COQ10A: variants seen among roughly 807,000 people sequenced by gnomAD.
COQ10A encodes coenzyme Q-binding protein COQ10 homolog A, mitochondrial.
In COQ10A, 25 loss-of-function variants were observed where a neutral mutation model predicts 26.1. That is an observed-to-expected ratio of 0.96 (90% CI 0.70 to 1.34). The LOEUF (loss-of-function observed/expected upper bound fraction) is 1.34. COQ10A is among the 40% of genes most tolerant of loss of function. COQ10A has a pLI of 0.00. For missense variants in COQ10A, 312 were observed against 335.4 expected, an observed-to-expected ratio of 0.93 and a Z score of 0.54; for synonymous variants, 132 against 124.0, an observed-to-expected ratio of 1.06 and a Z score of -0.43.
At chr12:56,267,347 G>A (rs773534745) in intron 1 of COQ10A, 95 bp downstream of exon 1, 3 of 1,613,622 alleles carry the variant, frequency 1.9e-6, no homozygotes, top group African/African-American at 1.3e-5. Flanking sequence ...CAGGCGCGGC[G>A]GGGACTGGCA....
In COQ10A at chr12:56,267,645, A is replaced by G. The variant is rs376651964; in HGVS notation, c.135-149A>G. On this transcript the variant is annotated intron_variant, in intron 1 of 4. Transcript: ENST00000308197. ...CTTTTGCACTCGTGACTCCCTGGCCAGAGAGAGCCTAGCGGGCTGCAGCAG... is the reference window on the plus strand; with the variant it reads ...CTTTTGCACTCGTGACTCCCTGGCCGGAGAGAGCCTAGCGGGCTGCAGCAG... The G allele has an allele frequency of 3.1e-4, 393 of 1,256,356 alleles. No individual in the cohort carries two copies. In the African/African-American group the frequency reaches 4.8e-3, roughly 15 times the overall value. The allele number at this position is 1,256,356 out of a possible 1,614,324, so 77.8% of individuals were successfully genotyped here.
intron 2 of COQ10A, chr12:56,268,520 A>C (rs994233942): frequency 6.3e-6 from 1 of 158,558 alleles, no homozygotes; most frequent in Non-Finnish European, 1.4e-5. Flanking sequence ...TCTGGTGACC[A>C]TTTAAAAATA....
chr12:56,269,637 AATTT>A (rs951664971), intron 4 of COQ10A, 76 bp downstream of exon 4: 4 of 1,061,312 alleles, frequency 3.8e-6, no homozygotes, highest in African/African-American at 3.1e-5. Context: ...CAGGGTTATT[AATTT>A]ATTTGAGATG....
At chr12:56,270,099 G>GACTATGCAAGGA in intron 4 of COQ10A, 51 bp from the exon 5 acceptor site, 7 of 1,566,158 alleles carry the variant, frequency 4.5e-6, no homozygotes, top group Non-Finnish European at 6.1e-6. Context: ...TTTGGCCAGG[G>GACTATGCAAGGA]ACTATCCAAC....
At chr12:56,268,004 A>G in intron 2 of COQ10A, 64 bp downstream of exon 2, 2 of 1,588,030 alleles carry the variant, frequency 1.3e-6, no homozygotes, top group Non-Finnish European at 1.7e-6. Context: ...CTGTCCAGGC[A>G]AGAATGTCAG....
chr12:56,267,926 G>A lies in COQ10A; in HGVS notation c.267G>A (p.Glu89=). The A allele has an allele frequency of 1.2e-6, 2 of 1,614,148 alleles. No individual in the cohort carries two copies. Among genetic ancestry groups the A allele is most frequent in the Non-Finnish European group, 1.7e-6 (2 of 1,180,030 alleles). ...CCAACAAGCGAAAGGCTTACTCGGA[G>A]CGTAGAATCATGGGGTAAGCATTCT... is the stretch of plus-strand genomic sequence containing the variant. ...PFTNKRKAYS[E]RRIMGYSMQE... The change falls in exon 2 of 5, where the codon GAG becomes GAA. Residue 89 remains glutamate, a synonymous_variant. Coordinates refer to ENST00000308197, the MANE Select transcript of COQ10A (RefSeq NM_144576.4).
At position 56,269,237 on chromosome 12, in the gene COQ10A, C is replaced by A; in HGVS notation, c.460C>A (p.Pro154Thr). ...CACCTCTGCAGTTTCCATGGTCAAA[C>A]CTCACATGGTCAAGGTGAGGCCTGT... ...RYTSAVSMVK[P>T]HMVKAVCTDG... The change falls in exon 3 of 5, where the codon CCT (proline) becomes ACT (threonine). Residue 154 changes from proline to threonine, a missense_variant. Coordinates refer to ENST00000308197, the MANE Select transcript of COQ10A (RefSeq NM_144576.4). The A allele has an allele frequency of 6.2e-7, 1 of 1,614,056 alleles. No individual in the cohort carries two copies. The highest frequency in any genetic ancestry group is 8.5e-7 in the Non-Finnish European group (1 of 1,179,962).
Position 56,267,128 on chromosome 12 carries a change from G to T in COQ10A, c.10G>T (p.Ala4Ser). ...AGGCAGGGTCGCGCGCATGGCCTGG[G>T]CGGGCTCGCGGCGGGTCCCAGCTGG... MAWAGSRRVPAGTR... is the reference protein window; with the variant it reads MAWSGSRRVPAGTR... Residue 4 changes from alanine (A) to serine (S), a missense_variant, in exon 1 of 5, where the codon GCG becomes TCG. Ala to Ser is a moderately conservative substitution (Grantham distance 99). Transcript: ENST00000308197. 7.7e-7 allele frequency: 1 copy of T among 1,300,278 alleles called. No homozygotes were observed. The highest frequency in any genetic ancestry group is 3.2e-5 in the East Asian group (1 of 31,256). 80.5% of individuals were successfully genotyped at this position (1,300,278 alleles called of 1,614,324 possible).
In COQ10A at chr12:56,269,538, C is replaced by T. The variant is rs370149350; in HGVS notation, c.553C>T (p.Arg185Ter). Residue 185 changes from arginine (R) to a stop codon, truncating the protein, a stop_gained, in exon 4 of 5, where the codon CGA becomes TGA. Transcript: ENST00000308197. LOFTEE classifies it high-confidence loss of function. ...RFSPGIPAYP[R>*]TCTVDFSISF... is the part of the protein sequence containing the mutation. The stretch of plus-strand genomic sequence containing the variant: ...CAGCCCTGGTATTCCTGCCTATCCT[C>T]GAACCTGCACTGTGGACTTTTCGGT... The T allele has an allele frequency of 1.9e-5, 30 of 1,613,848 alleles. 1 individual carries two copies. Among genetic ancestry groups the T allele is most frequent in the South Asian group, 1.3e-4 (12 of 91,078 alleles).
chr12:56,269,281 A>AT, intron 3 of COQ10A, 30 bp downstream of exon 3: 1 of 1,602,158 alleles, frequency 6.2e-7, no homozygotes, highest in Non-Finnish European at 8.5e-7. Flanking sequence ...GATTGACAAG[A>AT]TTTTTTGTTT....
In COQ10A at chr12:56,270,783, C is replaced by G. The variant is rs1872497516; in HGVS notation, c.*466C>G. On this transcript the variant is annotated 3_prime_UTR_variant, in exon 5 of 5. Coordinates refer to ENST00000308197, the MANE Select transcript of COQ10A (RefSeq NM_144576.4). Reference sequence around the variant, plus strand: ...TGCCTCCAGCCTGAAATACATAAAGCCTCATTTTAAGACTGTAAGTCCATG... The same window carrying G: ...TGCCTCCAGCCTGAAATACATAAAGGCTCATTTTAAGACTGTAAGTCCATG... 1 of 153,298 alleles carries G rather than the reference C, an allele frequency of 6.5e-6. No homozygotes were observed. The highest frequency in any genetic ancestry group is 2.4e-5 in the African/African-American group (1 of 41,458). 9.5% of individuals were successfully genotyped at this position (153,298 alleles called of 1,614,324 possible).
intron 2 of COQ10A, chr12:56,268,149 T>G: frequency 1.5e-6 from 1 of 651,992 alleles, no homozygotes; most frequent in South Asian, 1.9e-5. Context: ...TTAAGTGAAA[T>G]GAGACTAGGG....
intron 1 of COQ10A, 35 bp downstream of exon 1, chr12:56,267,287 G>A: frequency 6.3e-7 from 1 of 1,589,616 alleles, no homozygotes; most frequent in Non-Finnish European, 8.6e-7. Flanking sequence ...AGGGCAGGGG[G>A]TCGCTGCGAA....
intron 1 of COQ10A, 147 bp from the exon 2 acceptor site, chr12:56,267,647 A>C: frequency 7.9e-7 from 1 of 1,264,086 alleles, no homozygotes; most frequent in Non-Finnish European, 1.1e-6. Flanking sequence ...CCCTGGCCAG[A>C]GAGAGCCTAG....
intron 2 of COQ10A, chr12:56,268,245 C>T: frequency 2.9e-6 from 1 of 339,200 alleles, no homozygotes; most frequent in Non-Finnish European, 5.5e-6. Flanking sequence ...CTGAGGCGGG[C>T]CGATCGTTTT....
chr12:56,269,613 C>T, intron 4 of COQ10A, 52 bp downstream of exon 4: 1 of 1,218,590 alleles, frequency 8.2e-7, no homozygotes, highest in Non-Finnish European at 1.2e-6. Context: ...TGAGGAAGGG[C>T]TGGGGTACTG....
rs770505991 is a variant in COQ10A, at chr12:56,267,906, A to G, written c.247A>G (p.Lys83Glu). ...FMGFAAPFTN[K>E]RKAYSERRIM... The stretch of plus-strand genomic sequence containing the variant: ...GGGATTTGCTGCTCCCTTCACCAAC[A>G]AGCGAAAGGCTTACTCGGAGCGTAG... Residue 83 changes from lysine (K) to glutamate (E), a missense_variant, in exon 2 of 5, where the codon AAG becomes GAG. Coordinates refer to ENST00000308197, the MANE Select transcript of COQ10A (RefSeq NM_144576.4). The G allele has an allele frequency of 6.2e-7, 1 of 1,613,988 alleles. No individual in the cohort carries two copies. The highest frequency in any genetic ancestry group is 8.5e-7 in the Non-Finnish European group (1 of 1,179,974).
At chr12:56,267,467 C>A (rs776736140) in intron 1 of COQ10A, 54 of 1,613,234 alleles carry the variant, frequency 3.3e-5, no homozygotes, top group Non-Finnish European at 4.6e-5. Flanking sequence ...CCCTCGCGGG[C>A]GCCCTGGGGT....
rs949697628 is a variant in COQ10A at position 56,269,111 on chromosome 12, G to A, written c.334G>A (p.Glu112Lys). 1 of 1,614,102 alleles carries A rather than the reference G, an allele frequency of 6.2e-7. No homozygotes were observed. Among genetic ancestry groups the A allele is most frequent in the Non-Finnish European group, 8.5e-7 (1 of 1,180,020 alleles). The change falls in exon 3 of 5, where the codon GAG (glutamate) becomes AAG (lysine). Residue 112 changes from glutamate (E) to lysine (K), a missense_variant. Glu to Lys is a moderately conservative substitution (Grantham distance 56). Transcript: ENST00000308197. The part of the protein sequence containing the change: ...EVVSNVQEYR[E>K]FVPWCKKSLV... ...GGTGTCCAACGTCCAGGAGTATCGT[G>A]AGTTTGTGCCCTGGTGTAAGAAGTC...
Sources: gnomAD v4.1 joint callset for allele counts on GRCh38, gnomAD v4.1.1 for gene constraint, MANE v1.5 for transcripts, NCBI Gene and HGNC (gene_info 2026-07-23, HGNC 2026-07-21) for gene names.